Variants in PTPRO observed in about 807,000 individuals in gnomAD.
PTPRO encodes protein tyrosine phosphatase receptor type O.
PTPRO carries 62 observed loss-of-function variants against 145.2 expected under a neutral mutation model. The observed-to-expected ratio is 0.43, with a 90% CI of 0.35 to 0.53. The LOEUF (loss-of-function observed/expected upper bound fraction) is 0.53, where lower values mean the gene tolerates loss of function less well. PTPRO is among the 20% of genes least tolerant of loss of function. The pLI is 0.01. For missense variants in PTPRO, 1,345 were observed against 1,482.7 expected (o/e 0.91, Z 1.53); for synonymous variants, 565 against 514.7 (o/e 1.10, Z -1.32).
chr12:15,337,106 T>C (rs1005212323), intron 1 of PTPRO, among the ~76,000 whole-genome samples: 1 of 152,136 alleles, frequency 6.6e-6, no homozygotes, highest in Non-Finnish European at 1.5e-5. Context: ...TCCTCAACCA[T>C]AAAACTGACT....
At chr12:15,374,303 A>G (rs1938616819) in intron 1 of PTPRO, among the ~76,000 whole-genome samples, 1 of 152,210 alleles carries the variant, frequency 6.6e-6, no homozygotes, top group Admixed American at 6.5e-5. Context: ...GAGGATTTCC[A>G]TAAATCCACT....
Position 15,480,287 on chromosome 12 carries a change from T to G in PTPRO, c.76-3687T>G, listed in dbSNP as rs150771530. Among the ~76,000 whole-genome samples, 103 of 152,310 alleles carry G rather than the reference T, an allele frequency of 6.8e-4. No homozygotes were observed. The East Asian group carries it at 0.019, about 28-fold the overall frequency. ...GATTTTCTCTTGAAAATTAGTCACA[T>G]TTTCTTGGATATTTGTATATTGACT... On this transcript the variant is annotated intron_variant, in intron 1 of 26. Transcript: ENST00000281171.
At chr12:15,521,545 G>C (rs1942721940) in intron 10 of PTPRO, among the ~76,000 whole-genome samples, 1 of 152,144 alleles carries the variant, frequency 6.6e-6, no homozygotes, top group East Asian at 1.9e-4. Context: ...CACCAGGACA[G>C]TTGTCTGGAA....
At position 15,560,075 on chromosome 12, in the gene PTPRO, A is replaced by G. The variant is rs1943731722; in HGVS notation, c.2628-118A>G. Reference sequence around the variant, plus strand: ...ATGGATTAATATTTAATTGTAATTAAGGTGCTTGTCATATTAATTAATCCC... The same window carrying G: ...ATGGATTAATATTTAATTGTAATTAGGGTGCTTGTCATATTAATTAATCCC... On this transcript the variant is annotated intron_variant, in intron 16 of 26. Coordinates refer to ENST00000281171, the MANE Select transcript of PTPRO (RefSeq NM_030667.3). 8 of 762,130 alleles carry G rather than the reference A, an allele frequency of 1.0e-5. No homozygotes were observed. The Admixed American group carries it at 1.4e-4, about 13-fold the overall frequency. 47.2% of individuals were successfully genotyped at this position (762,130 alleles called of 1,614,324 possible). A position where few individuals can be genotyped will look rare whatever the true frequency, so the allele number is the denominator to read the frequency against.
intron 1 of PTPRO, among the ~76,000 whole-genome samples, chr12:15,330,607 C>G (rs1866580598): frequency 6.6e-6 from 1 of 152,136 alleles, no homozygotes; most frequent in Non-Finnish European, 1.5e-5. Context: ...AGGGAGAAAT[C>G]AAATCATTTA....
chr12:15,402,009 A>T (rs941172703), intron 1 of PTPRO, among the ~76,000 whole-genome samples: 2 of 152,170 alleles, frequency 1.3e-5, no homozygotes, highest in African/African-American at 2.4e-5. Flanking sequence ...GGGATTTGGT[A>T]TTCGTTTAAC....
chr12:15,421,606 G>A (rs1034773976), intron 1 of PTPRO, among the ~76,000 whole-genome samples: 1 of 152,154 alleles, frequency 6.6e-6, no homozygotes, highest in Non-Finnish European at 1.5e-5. Context: ...GACTGGTCAG[G>A]TAGAGAAGAA....
At chr12:15,483,861 A>G in intron 1 of PTPRO, 113 bp from the exon 2 acceptor site, 1 of 1,159,678 alleles carries the variant, frequency 8.6e-7, no homozygotes, top group Non-Finnish European at 1.2e-6. Flanking sequence ...CTTACCATAA[A>G]CATAACTAAT....
At chr12:15,577,440 A>G (rs1944211201) in intron 19 of PTPRO, among the ~76,000 whole-genome samples, 1 of 152,208 alleles carries the variant, frequency 6.6e-6, no homozygotes, top group Admixed American at 6.5e-5. Flanking sequence ...TAAAGACACA[A>G]AGGGCATGAA....
chr12:15,396,623 G>T (rs1939347680), intron 1 of PTPRO, among the ~76,000 whole-genome samples: 1 of 152,052 alleles, frequency 6.6e-6, no homozygotes. Flanking sequence ...TCTAGTAACA[G>T]CACTTCATAG....
chr12:15,402,242 G>T (rs1939515342), intron 1 of PTPRO, among the ~76,000 whole-genome samples: 1 of 152,094 alleles, frequency 6.6e-6, no homozygotes, highest in Admixed American at 6.6e-5. Flanking sequence ...ACAAAAATTA[G>T]CTGGGCATGG....
intron 1 of PTPRO, among the ~76,000 whole-genome samples, chr12:15,327,232 T>C (rs1866470436): frequency 6.6e-6 from 1 of 152,206 alleles, no homozygotes. Flanking sequence ...AAAATATCAG[T>C]TATTTTTCCC....
At chr12:15,495,077 C>T (rs897889144) in intron 2 of PTPRO, among the ~76,000 whole-genome samples, 32 of 151,804 alleles carry the variant, frequency 2.1e-4, no homozygotes, top group African/African-American at 6.8e-4. Context: ...TGACATGGTA[C>T]GTAAGTGAGT....
intron 1 of PTPRO, among the ~76,000 whole-genome samples, chr12:15,436,376 TTTA>T (rs1226498787): frequency 1.3e-5 from 2 of 152,226 alleles, no homozygotes; most frequent in African/African-American, 2.4e-5. Context: ...TAATTTCTTT[TTTA>T]TTATTACATA....
At chr12:15,340,236 G>A (rs1464166051) in intron 1 of PTPRO, among the ~76,000 whole-genome samples, 1 of 152,006 alleles carries the variant, frequency 6.6e-6, no homozygotes, top group Non-Finnish European at 1.5e-5. Flanking sequence ...TGGTCCATTT[G>A]ACCACAGAAC....
intron 1 of PTPRO, among the ~76,000 whole-genome samples, chr12:15,342,451 CAATT>C (rs1465084328): frequency 6.6e-6 from 1 of 151,596 alleles, no homozygotes; most frequent in Non-Finnish European, 1.5e-5. Context: ...TATAGAGCAT[CAATT>C]GTGTGCCAAA....
At chr12:15,533,101 CTG>C (rs1382066033) in intron 12 of PTPRO, among the ~76,000 whole-genome samples, 1 of 152,112 alleles carries the variant, frequency 6.6e-6, no homozygotes, top group Non-Finnish European at 1.5e-5. Flanking sequence ...CTACATAGGA[CTG>C]TGAGTTAAAA....
At chr12:15,491,203 C>A (rs1211914387) in intron 2 of PTPRO, among the ~76,000 whole-genome samples, 1 of 152,200 alleles carries the variant, frequency 6.6e-6, no homozygotes, top group Admixed American at 6.5e-5. Flanking sequence ...GGTCTAATCC[C>A]AGATCCTCTC....
chr12:15,415,231 C>T lies in PTPRO; in HGVS notation c.76-68743C>T, dbSNP rs181821226. On this transcript the variant is annotated intron_variant, in intron 1 of 26. Coordinates refer to ENST00000281171, the MANE Select transcript of PTPRO (RefSeq NM_030667.3). ...CCTGGCCCGTCCAGCTACCTCCCCC[C>T]CAAAAAAAGAAGCCCTAAACAGCCT... Among the ~76,000 whole-genome samples the T allele has an allele frequency of 4.6e-5, 7 of 152,060 alleles. 1 individual carries two copies. In the South Asian group the frequency reaches 1.2e-3, roughly 27 times the overall value.
Sources: gnomAD v4.1 joint callset for allele counts (sites outside exome capture counted in the v4.1 genomes callset) on GRCh38, gnomAD v4.1.1 for gene constraint, MANE v1.5 for transcripts, NCBI Gene and HGNC (gene_info 2026-07-23, HGNC 2026-07-21) for gene names.